UBE2E3: variants seen among roughly 807,000 people sequenced by gnomAD.
UBE2E3 encodes ubiquitin conjugating enzyme E2 E3.
UBE2E3 carries 5 observed loss-of-function variants against 23.6 expected under a neutral mutation model. That is an observed-to-expected ratio of 0.21 (90% CI 0.11 to 0.44). The LOEUF (loss-of-function observed/expected upper bound fraction) is 0.44. UBE2E3 is among the 20% of genes least tolerant of loss of function. UBE2E3 has a pLI of 0.99. For missense variants in UBE2E3, 81 were observed against 249.8 expected (o/e 0.32, Z 4.55); for synonymous variants, 78 against 87.5 (o/e 0.89, Z 0.60).
At chr2:180,997,876 C>T (rs1684874432) in intron 3 of UBE2E3, among the ~76,000 whole-genome samples, 1 of 152,084 alleles carries the variant, frequency 6.6e-6, no homozygotes, top group South Asian at 2.1e-4. Flanking sequence ...TTGTGAAGCC[C>T]TTCCTGCACA....
intron 3 of UBE2E3, among the ~76,000 whole-genome samples, chr2:181,019,793 G>A (rs1007252401): frequency 4.6e-5 from 7 of 152,028 alleles, no homozygotes; most frequent in Admixed American, 1.3e-4. Context: ...GCTAGTTAAC[G>A]TAGCCTTCAC....
chr2:180,994,252 G>A (rs1423833015), intron 3 of UBE2E3, among the ~76,000 whole-genome samples: 2 of 151,804 alleles, frequency 1.3e-5, no homozygotes, highest in African/African-American at 4.8e-5. Context: ...CCCTTCTGCC[G>A]AGGTTTCTTA....
At chr2:180,994,380 A>G (rs1202760587) in intron 3 of UBE2E3, among the ~76,000 whole-genome samples, 1 of 152,132 alleles carries the variant, frequency 6.6e-6, no homozygotes, top group Non-Finnish European at 1.5e-5. Flanking sequence ...GGCTTCATCT[A>G]TGCCTCCGTC....
chr2:181,007,594 C>T (rs771925934), intron 3 of UBE2E3, among the ~76,000 whole-genome samples: 1 of 151,768 alleles, frequency 6.6e-6, no homozygotes, highest in African/African-American at 2.4e-5. Context: ...GAGCTGGAAC[C>T]ATTTGACCTT....
chr2:181,044,642 A>C (rs1259136793), intron 3 of UBE2E3, among the ~76,000 whole-genome samples: 1 of 152,088 alleles, frequency 6.6e-6, no homozygotes, highest in Non-Finnish European at 1.5e-5. Flanking sequence ...TATTATGCTG[A>C]TATAATTTTT....
chr2:181,048,533 C>T (rs1686738294), intron 3 of UBE2E3, among the ~76,000 whole-genome samples: 1 of 152,056 alleles, frequency 6.6e-6, no homozygotes, highest in East Asian at 1.9e-4. Context: ...TTTACCAAAA[C>T]GAGGTCATTC....
intron 3 of UBE2E3, among the ~76,000 whole-genome samples, chr2:181,006,904 C>T (rs1488600869): frequency 6.6e-6 from 1 of 152,152 alleles, no homozygotes; most frequent in African/African-American, 2.4e-5. Flanking sequence ...TTCAATTTCT[C>T]AGAGTAAAAT....
In UBE2E3 at chr2:181,035,689, C is replaced by T. The variant is rs149827143; in HGVS notation, c.246-22004C>T. ...TTGAAACATTATTAGATTTTTTTTG[C>T]AATTTTTTTTAAGCTCATCGGGTGT... is the stretch of plus-strand genomic sequence containing the variant. On this transcript the variant is annotated intron_variant, in intron 3 of 5. Transcript: ENST00000410062. Among the ~76,000 whole-genome samples the T allele has an allele frequency of 6.3e-3, 958 of 152,090 alleles. 14 individuals are homozygous for T. The highest frequency in any genetic ancestry group is 0.021 in the African/African-American group (891 of 41,500).
chr2:181,028,476 A>T (rs543627866), intron 3 of UBE2E3, among the ~76,000 whole-genome samples: 1 of 152,252 alleles, frequency 6.6e-6, no homozygotes, highest in East Asian at 1.9e-4. Context: ...ACCATGCAAG[A>T]TAATGCCAAA....
intron 3 of UBE2E3, among the ~76,000 whole-genome samples, chr2:181,001,381 GGAAAA>G (rs1418578425): frequency 6.6e-6 from 1 of 152,084 alleles, no homozygotes; most frequent in Non-Finnish European, 1.5e-5. Context: ...AAATGGCTGG[GGAAAA>G]GAAACATACA....
intron 4 of UBE2E3, among the ~76,000 whole-genome samples, chr2:181,060,406 A>G (rs1295962524): frequency 6.6e-6 from 1 of 151,766 alleles, no homozygotes; most frequent in Non-Finnish European, 1.5e-5. Flanking sequence ...ACCCACACAC[A>G]TAGATGGAAT....
At chr2:180,987,259 T>A in intron 3 of UBE2E3, 2 of 1,468,240 alleles carry the variant, frequency 1.4e-6, no homozygotes, top group Non-Finnish European at 1.8e-6. Flanking sequence ...CATTTCCCTA[T>A]TTGTATTTAT....
intron 3 of UBE2E3, chr2:180,987,292 T>A: frequency 6.5e-7 from 1 of 1,543,494 alleles, no homozygotes; most frequent in Non-Finnish European, 8.7e-7. Flanking sequence ...ACTAGAATTG[T>A]TTAGTGATGT....
chr2:181,018,000 T>C (rs1350731198), intron 3 of UBE2E3, among the ~76,000 whole-genome samples: 2 of 151,938 alleles, frequency 1.3e-5, no homozygotes, highest in East Asian at 3.9e-4. Context: ...TACTTTCTGC[T>C]TTCTCTTTCT....
At chr2:181,052,279 G>A (rs543079713) in intron 3 of UBE2E3, among the ~76,000 whole-genome samples, 2 of 151,766 alleles carry the variant, frequency 1.3e-5, no homozygotes, top group Non-Finnish European at 2.9e-5. Flanking sequence ...GGTGTCCAGG[G>A]GAAAGAATAC....
chr2:180,982,136 C>G lies in UBE2E3; in HGVS notation c.94C>G (p.Pro32Ala). 2.5e-6 allele frequency: 4 copies of G among 1,613,278 alleles called. No homozygotes were observed. Among genetic ancestry groups the G allele is most frequent in the Non-Finnish European group, 3.4e-6 (4 of 1,179,586 alleles). ...CCAGCGAGACCCAGCCGCTCCAGAG[C>G]CTGAAGAACAAGAGGAAAGAAAACC... is the stretch of plus-strand genomic sequence containing the variant. ...ADQRDPAAPE[P>A]EEQEERKPSA... is the part of the protein sequence containing the mutation. Residue 32 changes from proline to alanine, a missense_variant, in exon 2 of 6, where the codon CCT becomes GCT. Coordinates refer to ENST00000410062, the MANE Select transcript of UBE2E3 (RefSeq NM_006357.4).
chr2:181,054,131 A>G (rs757973193), intron 3 of UBE2E3, among the ~76,000 whole-genome samples: 8 of 151,832 alleles, frequency 5.3e-5, no homozygotes, highest in Non-Finnish European at 1.0e-4. Context: ...AAGATTTGGC[A>G]GTTATGAATC....
chr2:181,061,058 A>G (rs2292855), intron 5 of UBE2E3, among the ~76,000 whole-genome samples: 11,583 of 150,900 alleles, frequency 0.077, 824 homozygotes, highest in East Asian at 0.22. Context: ...TTTTGTCACC[A>G]TCATTAATGG....
intron 3 of UBE2E3, among the ~76,000 whole-genome samples, chr2:181,034,365 A>G (rs1686193094): frequency 2.0e-5 from 3 of 152,214 alleles, no homozygotes; most frequent in Non-Finnish European, 4.4e-5. Flanking sequence ...GGATGAGTTC[A>G]TGTCCTTTGT....
Sources: gnomAD v4.1 joint callset for allele counts (sites outside exome capture counted in the v4.1 genomes callset) on GRCh38, gnomAD v4.1.1 for gene constraint, MANE v1.5 for transcripts, NCBI Gene and HGNC (gene_info 2026-07-23, HGNC 2026-07-21) for gene names.